The following C19orf47 variants were observed in gnomAD, a reference collection of about 807,000 sequenced individuals.
The protein encoded by C19orf47 is uncharacterized protein C19orf47.
A neutral mutation model predicts 32.3 loss-of-function variants in C19orf47; 18 were observed. The ratio of observed to expected loss-of-function variants is 0.56; its 90% confidence interval spans 0.39 to 0.83. The LOEUF is 0.83. Ranked by LOEUF, C19orf47 falls within the 40% of genes least tolerant of loss-of-function variation. C19orf47 has a pLI of 0.00. For missense variants in C19orf47, 484 were observed against 531.6 expected (o/e 0.91, Z 0.88); for synonymous variants, 202 against 211.1 (o/e 0.96, Z 0.37).
chr19:40,331,269 CACT>C (rs1267909823), intron 5 of C19orf47, among the ~76,000 whole-genome samples: 4 of 152,208 alleles, frequency 2.6e-5, no homozygotes, highest in South Asian at 2.1e-4. Flanking sequence ...CTGCAACCAC[CACT>C]GTGAACAAGC....
intron 7 of C19orf47, among the ~76,000 whole-genome samples, chr19:40,325,369 T>G (rs2145529083): frequency 6.6e-6 from 1 of 152,236 alleles, no homozygotes; most frequent in South Asian, 2.1e-4. Context: ...GGCTCATACC[T>G]GTAATCCTAG....
intron 4 of C19orf47, 76 bp from the exon 5 acceptor site, chr19:40,334,005 A>T: frequency 9.1e-7 from 1 of 1,096,200 alleles, no homozygotes; most frequent in Non-Finnish European, 1.3e-6. Flanking sequence ...CAACACCACA[A>T]GGATCAACAC....
chr19:40,337,886 T>C (rs2078097370), intron 2 of C19orf47, among the ~76,000 whole-genome samples: 1 of 152,178 alleles, frequency 6.6e-6, no homozygotes, highest in South Asian at 2.1e-4. Flanking sequence ...TTTCCCTATG[T>C]TGTGCAGGCA....
Position 40,323,994 on chromosome 19 carries a change from A to G in C19orf47, c.663+12T>C. 1 of 1,614,182 alleles carries G rather than the reference A, an allele frequency of 6.2e-7. No homozygotes were observed. The highest frequency in any genetic ancestry group is 8.5e-7 in the Non-Finnish European group (1 of 1,179,990). ...CTCGCACGCCCAGAATCGCTCCCCC[A>G]TCCCCACTCACTTTACTCCCTGTCG... On this transcript the variant is annotated intron_variant, in intron 8 of 8. Transcript: ENST00000683109.
chr19:40,339,747 G>A lies in C19orf47; in HGVS notation c.19+2092C>T, dbSNP rs572518855. 1.6e-4 allele frequency among the ~76,000 whole-genome samples: 24 copies of A among 152,040 alleles called. No homozygotes were observed. In the Middle Eastern group the frequency reaches 0.01, roughly 65 times the overall value. On this transcript the variant is annotated intron_variant, in intron 2 of 8. Coordinates refer to ENST00000683109, the MANE Select transcript of C19orf47 (RefSeq NM_001256441.2). Reference sequence around the variant, plus strand: ...AGCACTTTGGGAGGCCGAGATGGACGGATCACCTGAGGTCAGGAGTTCAAG... The same window carrying A: ...AGCACTTTGGGAGGCCGAGATGGACAGATCACCTGAGGTCAGGAGTTCAAG...
the C19orf47 span, among the ~76,000 whole-genome samples, chr19:40,312,285 C>T: frequency 1.4e-4 from 22 of 152,206 alleles, no homozygotes; most frequent in African/African-American, 5.1e-4. Context: ...TGGTGGCTCA[C>T]GCCTGTAATC....
intron 6 of C19orf47, 136 bp from the exon 7 acceptor site, chr19:40,326,622 C>A: frequency 2.7e-6 from 3 of 1,098,582 alleles, no homozygotes; most frequent in Admixed American, 5.4e-5. Flanking sequence ...CCCACATCAC[C>A]ACTGACCGAA....
chr19:40,331,445 T>G (rs576645275), intron 5 of C19orf47, among the ~76,000 whole-genome samples: 3 of 152,214 alleles, frequency 2.0e-5, no homozygotes, highest in Non-Finnish European at 2.9e-5. Flanking sequence ...AGAGCAGAAC[T>G]GACCAGCCAA....
chr19:40,323,529 C>T (rs949117570), intron 8 of C19orf47, among the ~76,000 whole-genome samples: 5 of 152,172 alleles, frequency 3.3e-5, no homozygotes, highest in Non-Finnish European at 7.4e-5. Context: ...AGTGAGGGGA[C>T]GGGCCCTGTC....
chr19:40,333,760 A>G, intron 5 of C19orf47, 91 bp downstream of exon 5: 1 of 1,098,010 alleles, frequency 9.1e-7, no homozygotes, highest in Non-Finnish European at 1.3e-6. Flanking sequence ...ACCTTTGAAA[A>G]TTACAGGCGG....
Position 40,322,218 on chromosome 19 carries a change from C to T in C19orf47, c.822G>A (p.Leu274=). The change falls in exon 9 of 9, where the codon CTG becomes CTA. Residue 274 remains leucine, a synonymous_variant. Transcript: ENST00000683109. ...GPAKASPQPA[L]TVKAKATSSA... is the part of the protein sequence containing the mutation. ...AGCTTGTGGCCTTGGCTTTGACAGT[C>T]AGTGCTGGCTGGGGACTGGCCTTGG... 1 of 1,610,362 alleles carries T rather than the reference C, an allele frequency of 6.2e-7. No individual in the cohort carries two copies. The highest frequency in any genetic ancestry group is 8.5e-7 in the Non-Finnish European group (1 of 1,179,972).
Position 40,321,440 on chromosome 19 carries a change from A to G in C19orf47, c.*442T>C, listed in dbSNP as rs998113750. On this transcript the variant is annotated 3_prime_UTR_variant, in exon 9 of 9. Coordinates refer to ENST00000683109, the MANE Select transcript of C19orf47 (RefSeq NM_001256441.2). The stretch of plus-strand genomic sequence containing the variant: ...ACAGCAGTGGGGGGAGGCGCAGAGG[A>G]GTGAGGGAGGTCAGTGGGGAGTGGG... 4 of 1,003,732 alleles carry G rather than the reference A, an allele frequency of 4.0e-6. No homozygotes were observed. The Admixed American group carries it at 1.6e-4, about 41-fold the overall frequency. 62.2% of individuals were successfully genotyped at this position (1,003,732 alleles called of 1,614,324 possible).
At position 40,325,197 on chromosome 19, in the gene C19orf47, G is replaced by A. The variant is rs75372667; in HGVS notation, c.593-1121C>T. 1.4e-3 allele frequency among the ~76,000 whole-genome samples: 216 copies of A among 151,534 alleles called. 1 individual carries two copies. In the East Asian group the frequency reaches 0.03, roughly 21 times the overall value. Reference sequence around the variant, plus strand: ...AGGCAGGAGAATCACTTGAACTCAGGAAGCGGAAGTTGCAGTGAGCCAAGA... The same window carrying A: ...AGGCAGGAGAATCACTTGAACTCAGAAAGCGGAAGTTGCAGTGAGCCAAGA... On this transcript the variant is annotated intron_variant, in intron 7 of 8. Transcript: ENST00000683109.
At position 40,319,964 on chromosome 19, in the gene C19orf47, C is replaced by G. The variant is rs937499972; in HGVS notation, c.*1918G>C. On this transcript the variant is annotated 3_prime_UTR_variant, in exon 9 of 9. Transcript: ENST00000683109. ...CAATGCAGTCAGAACACAGCTCCCT[C>G]TTCCTTGACCTTCCTCCCGTCTCCC... 3 of 154,226 alleles carry G rather than the reference C, an allele frequency of 1.9e-5. No homozygotes were observed. In the Admixed American group the frequency reaches 2.0e-4, roughly 10 times the overall value. 9.6% of individuals were successfully genotyped at this position (154,226 alleles called of 1,614,324 possible). A position where few individuals can be genotyped will look rare whatever the true frequency, so the allele number is the denominator to read the frequency against.
At chr19:40,348,256 A>T in intron 1 of C19orf47, 68 bp downstream of exon 1, 1 of 1,120,248 alleles carries the variant, frequency 8.9e-7, no homozygotes, top group Non-Finnish European at 1.2e-6. Flanking sequence ...AACTGAGTCC[A>T]GACACCCGGA....
At chr19:40,301,313 T>TTTTATTTATTTATTTA in the C19orf47 span, among the ~76,000 whole-genome samples, 119 of 140,294 alleles carry the variant, frequency 8.5e-4, 1 homozygote, top group African/African-American at 1.5e-3. Context: ...CTTGAGAGGC[T>TTTTATTTATTTATTTA]TTTATTTATT....
At chr19:40,318,634 T>A (rs1447613412), downstream of C19orf47, among the ~76,000 whole-genome samples, 7 of 152,152 alleles carry the variant, frequency 4.6e-5, no homozygotes, top group Admixed American at 4.6e-4. Flanking sequence ...CTCTTCCTGG[T>A]GGCAATGACC....
chr19:40,296,272 CTGTT>C, the C19orf47 span, among the ~76,000 whole-genome samples: 216 of 151,510 alleles, frequency 1.4e-3, no homozygotes, highest in Admixed American at 5.7e-3. Flanking sequence ...TAACACAATG[CTGTT>C]TGTTTGTTTG....
chr19:40,315,620 A>C (rs946941717), downstream of C19orf47, among the ~76,000 whole-genome samples: 2 of 152,064 alleles, frequency 1.3e-5, no homozygotes, highest in East Asian at 1.9e-4. Flanking sequence ...ATATCTACTA[A>C]AAATAAAAAA....
Sources: gnomAD v4.1 joint callset for allele counts (sites outside exome capture counted in the v4.1 genomes callset) on GRCh38, gnomAD v4.1.1 for gene constraint, MANE v1.5 for transcripts, NCBI Gene and HGNC (gene_info 2026-07-23, HGNC 2026-07-21) for gene names.